The following TUBGCP5 variants were observed in gnomAD, a reference collection of about 807,000 sequenced individuals.
The protein encoded by TUBGCP5 is gamma-tubulin complex component 5.
TUBGCP5 carries 98 observed loss-of-function variants against 134.7 expected under a neutral mutation model. The ratio of observed to expected loss-of-function variants is 0.73; its 90% CI spans 0.62 to 0.86. TUBGCP5 has a LOEUF of 0.86. Among genes scored for constraint, TUBGCP5 ranks in the 40% least tolerant of loss-of-function variants. The pLI, the probability that TUBGCP5 is intolerant of heterozygous loss-of-function variation, is 0.00. For missense variants in TUBGCP5, 1,150 were observed against 1,244.8 expected, an observed-to-expected ratio of 0.92 and a Z score of 1.15; for synonymous variants, 456 against 431.4, an observed-to-expected ratio of 1.06 and a Z score of -0.71.
rs1347923354 is a variant in TUBGCP5 at position 23,005,423 on chromosome 15, G to T, written c.2712+9C>A. On this transcript the variant is annotated intron_variant, in intron 19 of 22. Transcript: ENST00000615383. ...CGATAGAACTGAAGCAGATGGGAGA[G>T]GCACAAACCCTGGTCATGATGTAGT... The T allele has an allele frequency of 1.2e-6, 2 of 1,613,028 alleles. No individual in the cohort carries two copies. Among genetic ancestry groups the T allele is most frequent in the Admixed American group, 1.7e-5 (1 of 59,948 alleles).
intron 13 of TUBGCP5, among the ~76,000 whole-genome samples, chr15:23,016,969 G>GATTATATATATATATATATATATATAT (rs1555439439): frequency 9.1e-6 from 1 of 109,396 alleles, no homozygotes; most frequent in Non-Finnish European, 1.9e-5. Context: ...AAAATTGTGA[G>GATTATATATATATATATATATATATAT]ATATATATAT....
intron 23 of TUBGCP5, among the ~76,000 whole-genome samples, chr15:22,986,396 C>CTA (rs2063682231): frequency 6.6e-6 from 1 of 152,048 alleles, no homozygotes; most frequent in Non-Finnish European, 1.5e-5. Flanking sequence ...GGGATTTCAT[C>CTA]TATATGAACT....
intron 10 of TUBGCP5, 101 bp from the exon 11 acceptor site, chr15:23,022,262 G>A (rs28514624): frequency 0.011 from 13,202 of 1,186,238 alleles, 392 homozygotes; most frequent in African/African-American, 0.086. Flanking sequence ...GACAGGCAGG[G>A]CAAAATGGAG....
At chr15:23,012,419 T>A (rs973375682) in intron 13 of TUBGCP5, among the ~76,000 whole-genome samples, 11 of 152,174 alleles carry the variant, frequency 7.2e-5, no homozygotes, top group African/African-American at 2.7e-4. Flanking sequence ...ATAAAACTTT[T>A]TTTTTTGACA....
At chr15:23,028,786 G>T (rs1183683397) in intron 6 of TUBGCP5, among the ~76,000 whole-genome samples, 5 of 152,086 alleles carry the variant, frequency 3.3e-5, no homozygotes, top group Non-Finnish European at 7.4e-5. Context: ...GGACTAGAGG[G>T]TTGGGCTGCT....
At chr15:23,014,586 GGGCTGCCACT>G (rs78395718) in intron 13 of TUBGCP5, among the ~76,000 whole-genome samples, 13,457 of 152,122 alleles carry the variant, frequency 0.088, 1,048 homozygotes, top group East Asian at 0.45. Context: ...GCAGCCTCAT[GGGCTGCCACT>G]GGCAGATACA....
chr15:23,003,536 G>A (rs1264522329), intron 20 of TUBGCP5, among the ~76,000 whole-genome samples: 1 of 151,142 alleles, frequency 6.6e-6, no homozygotes, highest in African/African-American at 2.4e-5. Context: ...TTTTCCAAAT[G>A]AATCCAAGAG....
intron 3 of TUBGCP5, among the ~76,000 whole-genome samples, chr15:23,033,391 G>A (rs1167166739): frequency 6.6e-6 from 1 of 152,020 alleles, no homozygotes; most frequent in Non-Finnish European, 1.5e-5. Context: ...TGATTCTCCT[G>A]TCTCAGCCTC....
intron 23 of TUBGCP5, among the ~76,000 whole-genome samples, chr15:22,990,409 C>T (rs899843098): frequency 1.3e-5 from 2 of 152,218 alleles, no homozygotes; most frequent in Admixed American, 6.5e-5. Context: ...AAGAACTGGT[C>T]ACGTGCATTT....
intron 23 of TUBGCP5, among the ~76,000 whole-genome samples, chr15:22,993,235 G>T (rs1399504084): frequency 6.6e-6 from 1 of 151,544 alleles, no homozygotes; most frequent in East Asian, 2.0e-4. Context: ...AAGTAGCTGG[G>T]ATCACAGGCA....
chr15:22,998,225 G>C (rs546509031), downstream of TUBGCP5, among the ~76,000 whole-genome samples: 209 of 152,194 alleles, frequency 1.4e-3, 3 homozygotes, highest in African/African-American at 4.1e-3. Context: ...TGAGGCAGGA[G>C]AATCACTTGA....
intron 23 of TUBGCP5, among the ~76,000 whole-genome samples, chr15:22,991,010 G>T (rs182368048): frequency 1.1e-3 from 160 of 152,298 alleles, no homozygotes; most frequent in African/African-American, 3.3e-3. Flanking sequence ...AACTTCAAGA[G>T]AATGAATATC....
Position 23,008,859 on chromosome 15 carries a change from T to C in TUBGCP5, c.2167A>G (p.Met723Val). 6.3e-7 allele frequency: 1 copy of C among 1,575,940 alleles called. No individual in the cohort carries two copies. The highest frequency in any genetic ancestry group is 8.6e-7 in the Non-Finnish European group (1 of 1,168,436). Reference protein sequence around the residue: ...DYRLVEYLQAMRNFFLMEGGD... With the variant: ...DYRLVEYLQAVRNFFLMEGGD... ...CCTTCCATTAAGAAAAAATTCCTCA[T>C]AGCTTGCAAGTATTCTACCAACCTG... The change falls in exon 16 of 23, where the codon ATG (methionine) becomes GTG (valine). Residue 723 changes from methionine (M) to valine (V), a missense_variant. Met to Val is a conservative substitution (Grantham distance 21). Around this residue, in one of 2 missense-constraint regions of TUBGCP5, gnomAD observed 697 missense variants for 850.1 expected, o/e 0.82. Coordinates refer to ENST00000615383, the MANE Select transcript of TUBGCP5 (RefSeq NM_052903.6).
chr15:23,019,202 G>A lies in TUBGCP5; in HGVS notation c.1487+17C>T. ...TGATGCCAGCCCCCAGTGACCTTGT[G>A]CTCTGCTGCAGCTCACCTCTGGATG... On this transcript the variant is annotated intron_variant, in intron 12 of 22. Coordinates refer to ENST00000615383, the MANE Select transcript of TUBGCP5 (RefSeq NM_052903.6). 6.3e-7 allele frequency: 1 copy of A among 1,589,242 alleles called. No individual in the cohort carries two copies. Among genetic ancestry groups the A allele is most frequent in the Non-Finnish European group, 8.6e-7 (1 of 1,158,754 alleles).
intron 23 of TUBGCP5, among the ~76,000 whole-genome samples, chr15:22,991,419 G>T (rs1348986191): frequency 6.6e-6 from 1 of 152,194 alleles, no homozygotes; most frequent in Non-Finnish European, 1.5e-5. Context: ...TTAACTTAAT[G>T]ATGCCATGAA....
chr15:22,992,633 G>C lies in TUBGCP5; in HGVS notation c.*61+4212C>G, dbSNP rs187629933. Among the ~76,000 whole-genome samples the C allele has an allele frequency of 1.4e-3, 210 of 152,254 alleles. 1 individual carries two copies. Among genetic ancestry groups the C allele is most frequent in the African/African-American group, 4.4e-3 (184 of 41,538 alleles). Reference sequence around the variant, plus strand: ...TGGCTCTGGGACCAGGGTTTGAGGAGAGTGTTGATGACACTAAAGTGCTTT... The same window carrying C: ...TGGCTCTGGGACCAGGGTTTGAGGACAGTGTTGATGACACTAAAGTGCTTT... On this transcript the variant is annotated intron_variant and NMD_transcript_variant, in intron 23 of 23. Transcript: ENST00000614508.
At chr15:23,005,155 G>A (rs980262481) in intron 19 of TUBGCP5, among the ~76,000 whole-genome samples, 19 of 152,036 alleles carry the variant, frequency 1.2e-4, no homozygotes, top group African/African-American at 3.1e-4. Context: ...AGGACTATGC[G>A]GCACATTCTG....
intron 1 of TUBGCP5, 41 bp from the exon 2 acceptor site, chr15:23,037,193 C>T (rs2066641222): frequency 1.3e-6 from 2 of 1,598,142 alleles, no homozygotes; most frequent in Non-Finnish European, 1.7e-6. Flanking sequence ...AACTCTGTCA[C>T]ACAGGTAAGT....
rs62009514 is a variant in TUBGCP5 at position 23,005,498 on chromosome 15, G to A, written c.2646C>T (p.Arg882=). 0.034 allele frequency: 54,274 copies of A among 1,614,122 alleles called. 1,209 individuals are homozygous for A. The highest frequency in any genetic ancestry group is 0.037 in the Non-Finnish European group (43,572 of 1,179,982). The change falls in exon 19 of 23, where the codon CGC becomes CGT. Residue 882 remains arginine (R), a synonymous_variant. Coordinates refer to ENST00000615383, the MANE Select transcript of TUBGCP5 (RefSeq NM_052903.6). The part of the protein sequence containing the change: ...QKEPVRQQIH[R]MFLLRVKLMH... Reference sequence around the variant, plus strand: ...TGAGCTTCACTCTTAAGAGGAACATGCGATGAATCTGCTGTCTTACTGGTT... The same window carrying A: ...TGAGCTTCACTCTTAAGAGGAACATACGATGAATCTGCTGTCTTACTGGTT...
Sources: gnomAD v4.1 joint callset for allele counts (sites outside exome capture counted in the v4.1 genomes callset) on GRCh38, gnomAD v4.1.1 for gene constraint, gnomAD v4.1.1 regional missense constraint, MANE v1.5 for transcripts, NCBI Gene and HGNC (gene_info 2026-07-23, HGNC 2026-07-21) for gene names.